Variants in ITGA6 observed in about 807,000 individuals in gnomAD.
ITGA6 encodes integrin alpha-6.
In ITGA6, 63 loss-of-function variants were observed where a neutral mutation model predicts 133.6. The observed-to-expected ratio is 0.47, with a 90% CI of 0.38 to 0.58. ITGA6 has a LOEUF of 0.58. Ranked by LOEUF, ITGA6 falls within the 20% of genes least tolerant of loss-of-function variation. The pLI is 0.00. For synonymous variants in ITGA6, 434 were observed against 482.0 expected (o/e 0.90, Z 1.30); for missense variants, 1,068 against 1,309.4 (o/e 0.82, Z 2.85).
At chr2:172,450,371 G>A (rs1296437307) in intron 1 of ITGA6, among the ~76,000 whole-genome samples, 1 of 152,214 alleles carries the variant, frequency 6.6e-6, no homozygotes, top group African/African-American at 2.4e-5. Flanking sequence ...GGTATGATGT[G>A]ATGGTGACTC....
At chr2:172,450,589 G>A (rs992346275) in intron 1 of ITGA6, among the ~76,000 whole-genome samples, 3 of 152,072 alleles carry the variant, frequency 2.0e-5, no homozygotes, top group African/African-American at 7.2e-5. Flanking sequence ...GGATATAAGG[G>A]CAAGTGAAGA....
At chr2:172,460,180 G>A (rs12622724) in intron 1 of ITGA6, among the ~76,000 whole-genome samples, 9,056 of 152,294 alleles carry the variant, frequency 0.059, 392 homozygotes, top group East Asian at 0.25. Flanking sequence ...TCAGCACTGA[G>A]TAATACTTAT....
intron 11 of ITGA6, among the ~76,000 whole-genome samples, chr2:172,482,503 C>G (rs1686490008): frequency 6.6e-6 from 1 of 152,084 alleles, no homozygotes; most frequent in African/African-American, 2.4e-5. Flanking sequence ...AAGCAGTTAG[C>G]AAAGGTGGCC....
At position 172,487,259 on chromosome 2, in the gene ITGA6, A is replaced by C; in HGVS notation, c.1971-5A>C. 8 of 1,609,100 alleles carry C rather than the reference A, an allele frequency of 5.0e-6. No individual in the cohort carries two copies. Among genetic ancestry groups the C allele is most frequent in the Non-Finnish European group, 6.8e-6 (8 of 1,175,538 alleles). On this transcript the variant is annotated splice_polypyrimidine_tract_variant and splice_region_variant and intron_variant, in intron 14 of 25. Transcript: ENST00000684293. Reference sequence around the variant, plus strand: ...TTTTTGTTCTTGTTTTCTTATTTTTAATAGTCAAAAAGGTGTACCAGAACT... The same window carrying C: ...TTTTTGTTCTTGTTTTCTTATTTTTCATAGTCAAAAAGGTGTACCAGAACT...
chr2:172,472,685 C>T, intron 5 of ITGA6: 3 of 818,760 alleles, frequency 3.7e-6, no homozygotes, highest in Non-Finnish European at 6.3e-6. Flanking sequence ...GTGGCCTCCT[C>T]ATCCAGCGAG....
chr2:172,482,709 A>C (rs1352558760), intron 11 of ITGA6, among the ~76,000 whole-genome samples: 1 of 152,182 alleles, frequency 6.6e-6, no homozygotes, highest in Non-Finnish European at 1.5e-5. Context: ...TAAATGGATG[A>C]TGTCAAGGCT....
intron 25 of ITGA6, among the ~76,000 whole-genome samples, chr2:172,503,218 T>TA (rs902099295): frequency 2.0e-5 from 3 of 152,156 alleles, no homozygotes; most frequent in East Asian, 1.9e-4. Context: ...CACCTTTTTT[T>TA]AAAAAAAGTA....
intron 1 of ITGA6, among the ~76,000 whole-genome samples, chr2:172,452,919 C>T (rs1019358279): frequency 1.3e-5 from 2 of 152,210 alleles, no homozygotes; most frequent in Admixed American, 1.3e-4. Flanking sequence ...TTTGAGAGCC[C>T]TCTTTCCTTT....
intron 19 of ITGA6, among the ~76,000 whole-genome samples, chr2:172,489,132 G>A (rs1686813882): frequency 6.6e-6 from 1 of 152,182 alleles, no homozygotes; most frequent in African/African-American, 2.4e-5. Context: ...CCCAGGACTT[G>A]TCATTGGCCA....
chr2:172,472,666 G>T, intron 5 of ITGA6: 1 of 700,372 alleles, frequency 1.4e-6, no homozygotes, highest in East Asian at 2.6e-5. Context: ...CAGCTTGCCG[G>T]ATGCAGTGGT....
chr2:172,452,477 T>G (rs531728724), intron 1 of ITGA6, among the ~76,000 whole-genome samples: 1 of 152,216 alleles, frequency 6.6e-6, no homozygotes, highest in Non-Finnish European at 1.5e-5. Flanking sequence ...GCACGTGCTT[T>G]TTGGAGAATG....
At chr2:172,444,994 G>A (rs1318455718) in intron 1 of ITGA6, among the ~76,000 whole-genome samples, 1 of 152,088 alleles carries the variant, frequency 6.6e-6, no homozygotes, top group Non-Finnish European at 1.5e-5. Flanking sequence ...TTGAGAGAGA[G>A]TCTTGCTGTC....
intron 1 of ITGA6, 85 bp downstream of exon 1, chr2:172,428,055 C>T: frequency 7.0e-7 from 1 of 1,432,880 alleles, no homozygotes; most frequent in Non-Finnish European, 9.3e-7. Flanking sequence ...TCCCGCCGGC[C>T]CCGGGGAGTA....
At position 172,491,223 on chromosome 2, in the gene ITGA6, C is replaced by A; in HGVS notation, c.2781C>A (p.Asn927Lys). ...LFAERKYQTL[N>K]CSVNVNCVNI... ...ACCATTCTTCTTTTTCTCTCTAGAA[C>A]TGTAGCGTGAACGTGAACTGTGTGA... The change falls in exon 22 of 26, where the codon AAC (asparagine) becomes AAA (lysine). Residue 927 changes from asparagine to lysine, a missense_variant and splice_region_variant. Transcript: ENST00000684293. The surrounding 1 kb of genome is among the most constrained non-coding windows in gnomAD (Gnocchi z 4.4). The A allele has an allele frequency of 1.3e-6, 2 of 1,598,376 alleles. No individual in the cohort carries two copies. Among genetic ancestry groups the A allele is most frequent in the Non-Finnish European group, 1.7e-6 (2 of 1,165,718 alleles).
intron 1 of ITGA6, among the ~76,000 whole-genome samples, chr2:172,440,072 A>G (rs2149000855): frequency 6.6e-6 from 1 of 152,336 alleles, no homozygotes; most frequent in South Asian, 2.1e-4. Flanking sequence ...AACATTGGTC[A>G]GCCTTCACTG....
intron 1 of ITGA6, chr2:172,428,216 T>A (rs1210271920): frequency 1.6e-5 from 4 of 242,436 alleles, no homozygotes; most frequent in Non-Finnish European, 2.3e-5. Context: ...CCGGGAGAGT[T>A]TACTTTTTTT....
rs962714648 is a variant in ITGA6 at position 172,506,164 on chromosome 2, A to G, written c.*2096A>G. The G allele has an allele frequency of 2.6e-5, 4 of 152,638 alleles. No homozygotes were observed. The highest frequency in any genetic ancestry group is 9.7e-5 in the African/African-American group (4 of 41,438). The allele number at this position is 152,638 out of a possible 1,614,324, so 9.5% of individuals were successfully genotyped here. A position where few individuals can be genotyped will look rare whatever the true frequency, so the allele number is the denominator to read the frequency against. On this transcript the variant is annotated 3_prime_UTR_variant, in exon 26 of 26. Coordinates refer to ENST00000684293, the MANE Select transcript of ITGA6 (RefSeq NM_000210.4). ...GAAATTACCTGTGGATATTTGTATA[A>G]AAGTGTGAAATAAATTTTTTATAAA...
At chr2:172,462,172 C>T (rs575698872) in intron 1 of ITGA6, among the ~76,000 whole-genome samples, 24 of 152,304 alleles carry the variant, frequency 1.6e-4, no homozygotes, top group African/African-American at 4.6e-4. Context: ...GGTTCTGCCA[C>T]CTTATCGCGG....
chr2:172,465,463 C>A (rs914342959), intron 1 of ITGA6, 76 bp from the exon 2 acceptor site: 1 of 1,529,542 alleles, frequency 6.5e-7, no homozygotes, highest in Non-Finnish European at 9.0e-7. Flanking sequence ...ATCCCACTAT[C>A]TCCTAGTTCT....
Sources: gnomAD v4.1 joint callset for allele counts (sites outside exome capture counted in the v4.1 genomes callset) on GRCh38, gnomAD v4.1.1 for gene constraint, Gnocchi (gnomAD v3.1) non-coding constraint, MANE v1.5 for transcripts, NCBI Gene and HGNC (gene_info 2026-07-23, HGNC 2026-07-21) for gene names.